Variants in CCDC126 observed in about 807,000 individuals in gnomAD.
CCDC126 encodes coiled-coil domain containing 126.
In CCDC126, 5 loss-of-function variants were observed where a neutral mutation model predicts 11.7. That is an observed-to-expected ratio of 0.43 (90% CI 0.22 to 0.90). The LOEUF is 0.90. Ranked by LOEUF, CCDC126 falls within the 40% of genes least tolerant of loss-of-function variation. The pLI is 0.27. For missense variants in CCDC126, 150 were observed against 163.1 expected (o/e 0.92, Z 0.44); for synonymous variants, 60 against 61.9 (o/e 0.97, Z 0.14).
chr7:23,638,727 T>TAAAAAAAAAAAAAAAAA (rs70954398), intron 3 of CCDC126, among the ~76,000 whole-genome samples: 7 of 89,670 alleles, frequency 7.8e-5, no homozygotes, highest in Admixed American at 1.4e-4. Context: ...AAAAAAAAAT[T>TAAAAAAAAAAAAAAAAA]AAAAAAAAAA....
intron 2 of CCDC126, among the ~76,000 whole-genome samples, chr7:23,609,945 C>G (rs749150660): frequency 2.0e-5 from 3 of 152,152 alleles, no homozygotes; most frequent in Non-Finnish European, 4.4e-5. Context: ...GTGAAATGCA[C>G]TGTTCTGACT....
intron 3 of CCDC126, among the ~76,000 whole-genome samples, chr7:23,641,367 G>A (rs746088785): frequency 5.3e-5 from 8 of 151,996 alleles, no homozygotes; most frequent in Admixed American, 3.3e-4. Context: ...CTTTTTGTTC[G>A]TGAATTGTAA....
At chr7:23,634,723 A>G (rs756622194) in intron 3 of CCDC126, among the ~76,000 whole-genome samples, 2 of 152,148 alleles carry the variant, frequency 1.3e-5, no homozygotes, top group Non-Finnish European at 2.9e-5. Flanking sequence ...GAGGAAGGGA[A>G]GGTATTTTTT....
At chr7:23,611,721 C>T (rs1479154418) in intron 3 of CCDC126, among the ~76,000 whole-genome samples, 168 bp downstream of exon 3, 2 of 152,114 alleles carry the variant, frequency 1.3e-5, no homozygotes, top group Non-Finnish European at 2.9e-5. Context: ...ATGATAAATA[C>T]GTACATATTC....
At chr7:23,614,642 G>A (rs1782767465) in intron 3 of CCDC126, among the ~76,000 whole-genome samples, 1 of 152,164 alleles carries the variant, frequency 6.6e-6, no homozygotes, top group Admixed American at 6.5e-5. Context: ...TAAATAATAA[G>A]ACTTAAAAGT....
rs937336295 is a variant in CCDC126 at position 23,611,583 on chromosome 7, C to G, written c.238+30C>G. On this transcript the variant is annotated intron_variant, in intron 3 of 3. Transcript: ENST00000307471. ...GATAACCGTAGAATATTTCTAGTTT[C>G]CTCCAATCCCTGTTTAAAGATGGTT... The G allele has an allele frequency of 5.5e-6, 8 of 1,450,860 alleles. No homozygotes were observed. In the East Asian group the frequency reaches 1.8e-4, roughly 33 times the overall value. 89.9% of individuals were successfully genotyped at this position (1,450,860 alleles called of 1,614,324 possible).
At chr7:23,601,055 T>TA (rs578161504) in intron 2 of CCDC126, among the ~76,000 whole-genome samples, 13,824 of 133,950 alleles carry the variant, frequency 0.1, 1,820 homozygotes, top group African/African-American at 0.32. Context: ...TATCAATAAT[T>TA]AAAAAAAAAA....
chr7:23,626,994 T>C (rs935721742), intron 3 of CCDC126, among the ~76,000 whole-genome samples: 1 of 152,216 alleles, frequency 6.6e-6, no homozygotes, highest in Non-Finnish European at 1.5e-5. Flanking sequence ...TGTAATATTA[T>C]CTCTGTTGGA....
chr7:23,644,034 T>A lies in CCDC126; in HGVS notation c.*919T>A, dbSNP rs190666864. The A allele has an allele frequency of 1.3e-5, 2 of 152,114 alleles. No homozygotes were observed. The highest frequency in any genetic ancestry group is 2.9e-5 in the Non-Finnish European group (2 of 67,948). The allele number at this position is 152,114 out of a possible 1,614,324, so 9.4% of individuals were successfully genotyped here. A position where few individuals can be genotyped will look rare whatever the true frequency, so the allele number is the denominator to read the frequency against. On this transcript the variant is annotated 3_prime_UTR_variant, in exon 4 of 4. Coordinates refer to ENST00000307471, the MANE Select transcript of CCDC126 (RefSeq NM_138771.4). ...AGGAAGGGACTTTGGAGAATGGAAC[T>A]CTTGAGGACTTTAGCCAGGTGTATA... is the stretch of plus-strand genomic sequence containing the variant.
intron 3 of CCDC126, among the ~76,000 whole-genome samples, chr7:23,624,872 T>G (rs1264409043): frequency 6.6e-6 from 1 of 152,248 alleles, no homozygotes; most frequent in Non-Finnish European, 1.5e-5. Flanking sequence ...AGACAGGATC[T>G]CATGCTCTTG....
intron 2 of CCDC126, among the ~76,000 whole-genome samples, chr7:23,603,595 T>C (rs1176936488): frequency 1.3e-5 from 2 of 152,182 alleles, no homozygotes; most frequent in African/African-American, 4.8e-5. Context: ...ACTTAACATC[T>C]CTGGGCTTCA....
intron 3 of CCDC126, among the ~76,000 whole-genome samples, chr7:23,638,245 A>T (rs1783279161): frequency 6.6e-6 from 1 of 151,966 alleles, no homozygotes; most frequent in African/African-American, 2.4e-5. Flanking sequence ...ATGGGCCATG[A>T]TGACAATGGC....
At chr7:23,603,863 T>C (rs922428194) in intron 2 of CCDC126, among the ~76,000 whole-genome samples, 3 of 152,134 alleles carry the variant, frequency 2.0e-5, no homozygotes, top group Non-Finnish European at 4.4e-5. Context: ...GTGGCAGCAG[T>C]GTAAGGCTTG....
At chr7:23,636,497 G>A (rs1584217538) in intron 3 of CCDC126, among the ~76,000 whole-genome samples, 1 of 143,628 alleles carries the variant, frequency 7.0e-6, no homozygotes, top group African/African-American at 2.6e-5. Flanking sequence ...GATGTGGGGA[G>A]CACCTCTGCC....
At chr7:23,642,260 G>A (rs1463021040) in intron 3 of CCDC126, among the ~76,000 whole-genome samples, 6 of 152,008 alleles carry the variant, frequency 3.9e-5, no homozygotes, top group East Asian at 1.9e-4. Context: ...GATCCCGCCC[G>A]CCTCAGCCTC....
chr7:23,633,525 C>A (rs1035348695), intron 3 of CCDC126, among the ~76,000 whole-genome samples: 3 of 151,798 alleles, frequency 2.0e-5, no homozygotes, highest in African/African-American at 7.2e-5. Context: ...CTGCTAGTAG[C>A]TTCATAGTAA....
intron 3 of CCDC126, among the ~76,000 whole-genome samples, chr7:23,639,264 T>C (rs1242889833): frequency 6.6e-6 from 1 of 151,008 alleles, no homozygotes; most frequent in African/African-American, 2.4e-5. Flanking sequence ...CGATCTCAGC[T>C]CACTGCAACT....
intron 3 of CCDC126, among the ~76,000 whole-genome samples, chr7:23,642,723 AC>A (rs578210582): frequency 9.1e-4 from 138 of 151,902 alleles, no homozygotes; most frequent in Non-Finnish European, 1.6e-3. Flanking sequence ...AGATCATGCC[AC>A]TGCACTCCAG....
chr7:23,607,904 C>T (rs1189085004), intron 2 of CCDC126, among the ~76,000 whole-genome samples: 3 of 152,250 alleles, frequency 2.0e-5, no homozygotes, highest in African/African-American at 7.2e-5. Flanking sequence ...GCAACCTGCA[C>T]GGTGGTCTTT....
Sources: gnomAD v4.1 joint callset for allele counts (sites outside exome capture counted in the v4.1 genomes callset) on GRCh38, gnomAD v4.1.1 for gene constraint, MANE v1.5 for transcripts, NCBI Gene and HGNC (gene_info 2026-07-23, HGNC 2026-07-21) for gene names.